Variants in TNRC6B observed in about 807,000 individuals in gnomAD.
TNRC6B encodes trinucleotide repeat-containing gene 6B protein.
TNRC6B carries 52 observed loss-of-function variants against 203.6 expected under a neutral mutation model. The observed-to-expected ratio is 0.26, with a 90% CI of 0.20 to 0.32. TNRC6B has a LOEUF of 0.32. Among genes scored for constraint, TNRC6B ranks in the 10% least tolerant of loss-of-function variants. The pLI is 1.00. For missense variants in TNRC6B, 1,923 were observed against 2,286.2 expected, an observed-to-expected ratio of 0.84 and a Z score of 3.24; for synonymous variants, 838 against 845.7, an observed-to-expected ratio of 0.99 and a Z score of 0.16.
In TNRC6B at chr22:40,269,995, A is replaced by G. The variant is rs1161808325; in HGVS notation, c.2807-127A>G. ...GCATTGCCAAATACCCCTCACATGA[A>G]AGTTGAATCTATTTACATTTCTACC... is the stretch of plus-strand genomic sequence containing the variant. On this transcript the variant is annotated intron_variant, in intron 5 of 22. Coordinates refer to ENST00000454349, the MANE Select transcript of TNRC6B (RefSeq NM_001162501.2). 4.3e-6 allele frequency: 4 copies of G among 938,536 alleles called. No homozygotes were observed. The African/African-American group carries it at 5.2e-5, about 12-fold the overall frequency. 58.1% of individuals were successfully genotyped at this position (938,536 alleles called of 1,614,324 possible).
chr22:40,079,191 G>A (rs2068045459), intron 1 of TNRC6B, among the ~76,000 whole-genome samples: 1 of 152,174 alleles, frequency 6.6e-6, no homozygotes, highest in East Asian at 1.9e-4. Flanking sequence ...GGGATTACAG[G>A]CATGAGCCAC....
intron 12 of TNRC6B, among the ~76,000 whole-genome samples, chr22:40,295,901 C>T (rs1373985529): frequency 6.6e-6 from 1 of 152,012 alleles, no homozygotes; most frequent in Non-Finnish European, 1.5e-5. Flanking sequence ...GACGTTCAAA[C>T]CAAAAGACAG....
rs1217262332 is a variant in TNRC6B at position 40,319,450 on chromosome 22, G to A, written c.4975-1640G>A. On this transcript the variant is annotated intron_variant, in intron 21 of 22. Coordinates refer to ENST00000454349, the MANE Select transcript of TNRC6B (RefSeq NM_001162501.2). The stretch of plus-strand genomic sequence containing the variant: ...TTTTTTTTTTTTTTTTTGAGACAGA[G>A]TCTTGTTCTGTCGCTCAGACTGGAG... Among the ~76,000 whole-genome samples the A allele has an allele frequency of 5.0e-5, 7 of 140,962 alleles. No homozygotes were observed. In the South Asian group the frequency reaches 1.4e-3, roughly 27 times the overall value. The allele number at this position is 140,962 out of a possible 152,430, so 92.5% of individuals were successfully genotyped here. A position where few individuals can be genotyped will look rare whatever the true frequency, so the allele number is the denominator to read the frequency against.
chr22:40,269,887 CAAAAAAAAAAAAAA>C (rs34314387), intron 5 of TNRC6B, among the ~76,000 whole-genome samples: 3 of 77,618 alleles, frequency 3.9e-5, no homozygotes, highest in African/African-American at 1.7e-4. Flanking sequence ...GACTCTGTCT[CAAAAAAAAAAAAAA>C]AAAAAAAATT....
At chr22:40,311,872 A>T (rs1448715370) in intron 17 of TNRC6B, among the ~76,000 whole-genome samples, 1 of 152,258 alleles carries the variant, frequency 6.6e-6, no homozygotes, top group Non-Finnish European at 1.5e-5. Context: ...CAGATCGTTC[A>T]TATATAATAC....
intron 1 of TNRC6B, among the ~76,000 whole-genome samples, chr22:40,113,510 A>G (rs2068359766): frequency 6.6e-6 from 1 of 152,008 alleles, no homozygotes; most frequent in East Asian, 1.9e-4. Context: ...GCATACTACA[A>G]TGCTGGGCTA....
chr22:40,287,853 T>C (rs989121895), intron 12 of TNRC6B, among the ~76,000 whole-genome samples: 2 of 152,188 alleles, frequency 1.3e-5, no homozygotes, highest in African/African-American at 4.8e-5. Flanking sequence ...TCCCAGCAGA[T>C]AGTGTGATAA....
chr22:40,247,716 G>C (rs1011614400), intron 2 of TNRC6B, among the ~76,000 whole-genome samples: 3 of 152,178 alleles, frequency 2.0e-5, no homozygotes, highest in Non-Finnish European at 4.4e-5. Flanking sequence ...CTTCTAATGT[G>C]TTGCTTCTCA....
At chr22:40,150,229 T>G (rs1192906560) in intron 3 of TNRC6B, among the ~76,000 whole-genome samples, 2 of 151,984 alleles carry the variant, frequency 1.3e-5, no homozygotes, top group Non-Finnish European at 2.9e-5. Context: ...ATACAAAAAA[T>G]TAGCCAGGCG....
intron 1 of TNRC6B, among the ~76,000 whole-genome samples, chr22:40,237,144 G>A (rs1231549410): frequency 5.3e-5 from 8 of 152,146 alleles, no homozygotes; most frequent in African/African-American, 1.2e-4. Flanking sequence ...GGGAGATGGC[G>A]TGAGACTCTG....
At chr22:40,306,573 A>G (rs1190177371) in intron 15 of TNRC6B, among the ~76,000 whole-genome samples, 1 of 152,250 alleles carries the variant, frequency 6.6e-6, no homozygotes, top group African/African-American at 2.4e-5. Flanking sequence ...TTAGGCCATT[A>G]AGGCTATGTC....
Position 40,323,134 on chromosome 22 carries a change from T to A in TNRC6B, c.5395T>A (p.Ser1799Thr). 1.2e-6 allele frequency: 2 copies of A among 1,613,684 alleles called. No homozygotes were observed. The highest frequency in any genetic ancestry group is 1.7e-6 in the Non-Finnish European group (2 of 1,179,758). Residue 1799 changes from serine to threonine, a missense_variant, in exon 23 of 23, where the codon TCT becomes ACT. By Grantham distance (58) the Ser-to-Thr change is moderately conservative. Coordinates refer to ENST00000454349, the MANE Select transcript of TNRC6B (RefSeq NM_001162501.2). ...GASLWGPPNY[S>T]SSLWGVPTVE... ...TTCATTGTGGGGGCCCCCAAACTAT[T>A]CTTCTAGCTTATGGGGAGTCCCAAC...
At chr22:40,065,449 CT>C (rs2067887487) in intron 1 of TNRC6B, among the ~76,000 whole-genome samples, 1 of 151,158 alleles carries the variant, frequency 6.6e-6, no homozygotes, top group Non-Finnish European at 1.5e-5. Context: ...CTGGGGTTTG[CT>C]TTATAGGAAT....
At chr22:40,053,953 G>A (rs989389217) in intron 1 of TNRC6B, among the ~76,000 whole-genome samples, 8 of 152,060 alleles carry the variant, frequency 5.3e-5, no homozygotes, top group Admixed American at 1.3e-4. Context: ...GCACAGGCTC[G>A]TGCCTGTAAT....
intron 3 of TNRC6B, among the ~76,000 whole-genome samples, chr22:40,134,554 A>G (rs1378999023): frequency 6.6e-6 from 1 of 152,218 alleles, no homozygotes; most frequent in East Asian, 1.9e-4. Flanking sequence ...TATGGACTTT[A>G]GTTAATGTAT....
intron 1 of TNRC6B, among the ~76,000 whole-genome samples, chr22:40,223,041 C>G (rs1399390474): frequency 1.3e-5 from 2 of 151,980 alleles, no homozygotes. Context: ...GCCACCACAC[C>G]CAACCTGTAT....
intron 3 of TNRC6B, among the ~76,000 whole-genome samples, chr22:40,127,940 T>C (rs2068508608): frequency 1.3e-5 from 2 of 152,194 alleles, no homozygotes. Flanking sequence ...AATTGGGAGA[T>C]TGCTTGGTGA....
chr22:40,081,306 T>TG (rs1341527048), intron 1 of TNRC6B, among the ~76,000 whole-genome samples: 3 of 121,228 alleles, frequency 2.5e-5, no homozygotes, highest in Non-Finnish European at 3.5e-5. Context: ...AGTGTCTGCG[T>TG]GTTTTTTTTT....
chr22:40,133,057 C>T (rs1369198719), intron 3 of TNRC6B, among the ~76,000 whole-genome samples: 5 of 144,716 alleles, frequency 3.5e-5, no homozygotes, highest in Non-Finnish European at 7.5e-5. Flanking sequence ...GAGAGAAATT[C>T]ATGTGACCTA....
Sources: gnomAD v4.1 joint callset for allele counts (sites outside exome capture counted in the v4.1 genomes callset) on GRCh38, gnomAD v4.1.1 for gene constraint, MANE v1.5 for transcripts, NCBI Gene and HGNC (gene_info 2026-07-23, HGNC 2026-07-21) for gene names.